APP: variants seen among roughly 807,000 people sequenced by gnomAD.
The protein encoded by APP is amyloid beta precursor protein.
APP carries 31 observed loss-of-function variants against 101.4 expected under a neutral mutation model. The ratio of observed to expected loss-of-function variants is 0.31; its 90% CI spans 0.23 to 0.41. The LOEUF (loss-of-function observed/expected upper bound fraction) is 0.41, where lower values mean the gene tolerates loss of function less well. Ranked by LOEUF, APP falls within the 10% of genes least tolerant of loss-of-function variation. The pLI is 1.00. For synonymous variants in APP, 366 were observed against 364.4 expected, an observed-to-expected ratio of 1.00 and a Z score of -0.05; for missense variants, 839 against 1,003.7, an observed-to-expected ratio of 0.84 and a Z score of 2.22.
Position 25,887,754 on chromosome 21 carries a change from A to AT in APP, c.2211+3967dup, listed in dbSNP as rs374453426. On this transcript the variant is annotated intron_variant, in intron 17 of 17. Coordinates refer to ENST00000346798, the MANE Select transcript of APP (RefSeq NM_000484.4). ...TGTCTATAGTATTCAGTGCAGCAAT[A>AT]TGCTGCACAGGTGTGGAGCCTAGGA... Among the ~76,000 whole-genome samples, 314 of 152,318 alleles carry AT rather than the reference A, an allele frequency of 2.1e-3. 2 individuals carry two copies. The highest frequency in any genetic ancestry group is 7.1e-3 in the African/African-American group (295 of 41,576).
At chr21:26,127,643 T>C (rs2062711696) in intron 1 of APP, among the ~76,000 whole-genome samples, 1 of 152,220 alleles carries the variant, frequency 6.6e-6, no homozygotes, top group South Asian at 2.1e-4. Flanking sequence ...AGTACCAATA[T>C]GATCTTTGGA....
chr21:26,080,322 G>A (rs762579757), intron 3 of APP, among the ~76,000 whole-genome samples: 12 of 152,146 alleles, frequency 7.9e-5, no homozygotes, highest in Non-Finnish European at 1.6e-4. Context: ...CTCAAATAGT[G>A]CTGGAATTTC....
intron 5 of APP, among the ~76,000 whole-genome samples, chr21:26,039,005 G>A (rs905429819): frequency 2.0e-5 from 3 of 152,140 alleles, no homozygotes; most frequent in African/African-American, 7.2e-5. Flanking sequence ...AGATATTTTT[G>A]AAGCAAAGAT....
At chr21:26,027,324 A>C (rs2044624150) in intron 5 of APP, among the ~76,000 whole-genome samples, 1 of 152,206 alleles carries the variant, frequency 6.6e-6, no homozygotes. Context: ...AAAATACAGT[A>C]GTTTTTTTCA....
intron 2 of APP, among the ~76,000 whole-genome samples, chr21:26,102,889 CAAAAAAAAAAA>C (rs3084283): frequency 1.6e-5 from 1 of 63,090 alleles, no homozygotes; most frequent in Non-Finnish European, 2.9e-5. Flanking sequence ...GACTCTGTCT[CAAAAAAAAAAA>C]AAAAAAAAAA....
Position 25,962,560 on chromosome 21 carries a change from C to T in APP, c.1459-6805G>A, listed in dbSNP as rs563264422. Among the ~76,000 whole-genome samples the T allele has an allele frequency of 6.6e-5, 10 of 152,312 alleles. No homozygotes were observed. In the East Asian group the frequency reaches 1.9e-3, roughly 29 times the overall value. ...TCAGAATAGTGGCCTTCCCAATTTT[C>T]ACCGAAATACTGACATTAATAAACC... is the stretch of plus-strand genomic sequence containing the variant. On this transcript the variant is annotated intron_variant, in intron 11 of 17. Coordinates refer to ENST00000346798, the MANE Select transcript of APP (RefSeq NM_000484.4).
intron 6 of APP, among the ~76,000 whole-genome samples, chr21:26,011,075 TTTTA>T (rs569401481): frequency 0.013 from 1,960 of 151,964 alleles, 44 homozygotes; most frequent in African/African-American, 0.045. Flanking sequence ...ACTTTTTTAT[TTTTA>T]TTTATTTATT....
At chr21:26,106,242 T>G (rs2062179863) in intron 2 of APP, among the ~76,000 whole-genome samples, 1 of 152,118 alleles carries the variant, frequency 6.6e-6, no homozygotes, top group African/African-American at 2.4e-5. Context: ...ATGGGGAAAT[T>G]CTAGGCAGTA....
chr21:25,958,485 G>A (rs1056332565), intron 11 of APP, among the ~76,000 whole-genome samples: 21 of 152,140 alleles, frequency 1.4e-4, no homozygotes, highest in Non-Finnish European at 2.2e-4. Context: ...CGCCATGTTA[G>A]CCAGGATGGT....
rs534919589 is a variant in APP, at chr21:25,970,254, C to G, written c.1458+4816G>C. Among the ~76,000 whole-genome samples, 5 of 152,202 alleles carry G rather than the reference C, an allele frequency of 3.3e-5. No individual in the cohort carries two copies. The East Asian group carries it at 7.7e-4, about 23-fold the overall frequency. Reference sequence around the variant, plus strand: ...TCCCCTTTGATAAAAGATGACACTTCGGCAAACATTCTTGCCACTGCCTTT... The same window carrying G: ...TCCCCTTTGATAAAAGATGACACTTGGGCAAACATTCTTGCCACTGCCTTT... On this transcript the variant is annotated intron_variant, in intron 11 of 17. Transcript: ENST00000346798.
chr21:26,149,522 T>C (rs755148130), intron 1 of APP, among the ~76,000 whole-genome samples: 12 of 152,192 alleles, frequency 7.9e-5, no homozygotes, highest in Non-Finnish European at 1.6e-4. Context: ...ACAAACAATA[T>C]GGCACGGTTG....
intron 1 of APP, among the ~76,000 whole-genome samples, chr21:26,131,375 T>C (rs1462833130): frequency 1.3e-5 from 2 of 152,212 alleles, no homozygotes; most frequent in Non-Finnish European, 2.9e-5. Context: ...AATGCAACCA[T>C]TTTATTGTTC....
chr21:25,984,674 T>C (rs1185861414), intron 8 of APP, among the ~76,000 whole-genome samples: 3 of 152,172 alleles, frequency 2.0e-5, no homozygotes, highest in Admixed American at 2.0e-4. Context: ...GAAATGAACA[T>C]GGTATTTAGC....
In APP at chr21:25,911,463, A is replaced by G. The variant is rs553498510; in HGVS notation, c.1909+278T>C. Among the ~76,000 whole-genome samples the G allele has an allele frequency of 1.3e-4, 20 of 152,370 alleles. No individual in the cohort carries two copies. The East Asian group carries it at 1.5e-3, about 12-fold the overall frequency. ...TCATTACCATTTTGTTTTGCCACCT[A>G]TACAATGGAGTTGTTGTCTTTTCCA... On this transcript the variant is annotated intron_variant, in intron 14 of 17. Transcript: ENST00000346798.
At chr21:26,027,715 G>A (rs1228808305) in intron 5 of APP, among the ~76,000 whole-genome samples, 1 of 152,194 alleles carries the variant, frequency 6.6e-6, no homozygotes, top group Non-Finnish European at 1.5e-5. Flanking sequence ...TGGCTATCTA[G>A]TTGTGTGGTC....
chr21:25,906,378 C>T (rs200782322), intron 14 of APP, among the ~76,000 whole-genome samples: 1 of 230 alleles, frequency 4.3e-3, no homozygotes, highest in Admixed American at 0.045. Flanking sequence ...CCTTGGGATG[C>T]GCCACTTCTG....
intron 1 of APP, chr21:26,158,290 C>T (rs1271020029): frequency 6.6e-6 from 1 of 152,250 alleles, no homozygotes; most frequent in Non-Finnish European, 1.5e-5. Flanking sequence ...CAAAAGCCTA[C>T]TCTAATCGCT....
chr21:25,986,214 C>A (rs2042631121), intron 8 of APP, among the ~76,000 whole-genome samples: 1 of 152,050 alleles, frequency 6.6e-6, no homozygotes, highest in Non-Finnish European at 1.5e-5. Context: ...TGTCACAGGA[C>A]ACAGAGGAAA....
chr21:26,035,325 G>A (rs1260683019), intron 5 of APP, among the ~76,000 whole-genome samples: 1 of 152,188 alleles, frequency 6.6e-6, no homozygotes, highest in East Asian at 1.9e-4. Flanking sequence ...AACTGAGGCT[G>A]AAGGTGGGAC....
Sources: gnomAD v4.1 joint callset for allele counts (sites outside exome capture counted in the v4.1 genomes callset) on GRCh38, gnomAD v4.1.1 for gene constraint, MANE v1.5 for transcripts, NCBI Gene and HGNC (gene_info 2026-07-23, HGNC 2026-07-21) for gene names.